KIF5A: variants seen among roughly 807,000 people sequenced by gnomAD.
The protein encoded by KIF5A is kinesin family member 5A, also known as kinesin heavy chain isoform 5A.
Under a neutral mutation model 141.3 loss-of-function variants are expected in KIF5A, and 35 were observed. The ratio of observed to expected loss-of-function variants is 0.25; its 90% CI spans 0.19 to 0.33. The LOEUF is 0.33. Among genes scored for constraint, KIF5A ranks in the 10% least tolerant of loss-of-function variants. The probability of loss-of-function intolerance (pLI) is 1.00; values close to 1 mark genes in which losing one functional copy is unlikely to be tolerated. For missense variants in KIF5A, 861 were observed against 1,314.3 expected (o/e 0.66, Z 5.33); for synonymous variants, 448 against 500.2 (o/e 0.90, Z 1.39).
intron 1 of KIF5A, among the ~76,000 whole-genome samples, chr12:57,552,354 G>A (rs1383450695): frequency 1.3e-5 from 2 of 152,154 alleles, no homozygotes; most frequent in Non-Finnish European, 2.9e-5. Context: ...AGGTGGGCAA[G>A]GAGGAAAGAT....
intron 8 of KIF5A, 21 bp from the exon 9 acceptor site, chr12:57,568,942 C>T: frequency 6.4e-7 from 1 of 1,572,182 alleles, no homozygotes; most frequent in Non-Finnish European, 8.8e-7. Flanking sequence ...CATACACACT[C>T]ATCTCTTACT....
intron 23 of KIF5A, among the ~76,000 whole-genome samples, chr12:57,578,698 C>G (rs1227697662): frequency 6.6e-6 from 1 of 152,112 alleles, no homozygotes; most frequent in East Asian, 1.9e-4. Flanking sequence ...TGAGAAGAAG[C>G]AAGGGAGTTG....
chr12:57,561,783 C>T (rs754545331), intron 1 of KIF5A, among the ~76,000 whole-genome samples: 5 of 152,138 alleles, frequency 3.3e-5, no homozygotes, highest in African/African-American at 7.2e-5. Context: ...CTCAAAGTAA[C>T]CACTGTTAAC....
rs112773369 is a variant in KIF5A, at chr12:57,585,470, G to C, written c.*1289G>C. On this transcript the variant is annotated 3_prime_UTR_variant, in exon 29 of 29. Coordinates refer to ENST00000455537, the MANE Select transcript of KIF5A (RefSeq NM_004984.4). ...AGCACCCTCCATACTGAAGAGGACT[G>C]TTGTTTTAGTTTCAGACGGTCCTTT... The C allele has an allele frequency of 7.2e-3, 1,116 of 154,534 alleles. 10 individuals carry two copies. Among genetic ancestry groups the C allele is most frequent in the Non-Finnish European group, 7.9e-3 (537 of 68,244 alleles). The allele number at this position is 154,534 out of a possible 1,614,324, so 9.6% of individuals were successfully genotyped here.
chr12:57,567,725 A>G (rs1882112307), intron 8 of KIF5A, 107 bp downstream of exon 8: 6 of 1,204,076 alleles, frequency 5.0e-6, no homozygotes, highest in Non-Finnish European at 6.8e-6. Flanking sequence ...CAGTGGCACG[A>G]TCTCTGTTCA....
intron 26 of KIF5A, among the ~76,000 whole-genome samples, chr12:57,582,177 A>G (rs1026880993): frequency 6.6e-6 from 1 of 152,144 alleles, no homozygotes; most frequent in African/African-American, 2.4e-5. Flanking sequence ...TCAGGAGCTT[A>G]AGGCTGAAGT....
In KIF5A at chr12:57,585,297, T is replaced by G. The variant is rs1461728861; in HGVS notation, c.*1116T>G. 1 of 154,340 alleles carries G rather than the reference T, an allele frequency of 6.5e-6. No individual in the cohort carries two copies. Among genetic ancestry groups the G allele is most frequent in the Non-Finnish European group, 1.5e-5 (1 of 68,222 alleles). The allele number at this position is 154,340 out of a possible 1,614,324, so 9.6% of individuals were successfully genotyped here. On this transcript the variant is annotated 3_prime_UTR_variant, in exon 29 of 29. Coordinates refer to ENST00000455537, the MANE Select transcript of KIF5A (RefSeq NM_004984.4). ...TGACTTTTCCCCAATGTACATTTTT[T>G]TTTTCTCCACAAAGAGTTCCTTCTC...
chr12:57,578,313 C>G lies in KIF5A; in HGVS notation c.2509C>G (p.Leu837Val). 3 of 1,613,858 alleles carry G rather than the reference C, an allele frequency of 1.9e-6. No individual in the cohort carries two copies. Among genetic ancestry groups the G allele is most frequent in the Non-Finnish European group, 2.5e-6 (3 of 1,179,738 alleles). The change falls in exon 23 of 29, where the codon CTG becomes GTG. Residue 837 changes from leucine (L) to valine (V), a missense_variant. By Grantham distance (32) the Leu-to-Val change is conservative. Around this residue, in one of 5 missense-constraint regions of KIF5A, gnomAD observed 482 missense variants for 661.3 expected, o/e 0.73. Transcript: ENST00000455537. ...GAAGATTTCCTTTCTTGAGAACAAC[C>G]TGGAACAGCTTACAAAGGTTCACAA... is the stretch of plus-strand genomic sequence containing the variant. ...KQKISFLENN[L>V]EQLTKVHKQL... is the part of the protein sequence containing the mutation.
chr12:57,575,003 A>T lies in KIF5A; in HGVS notation c.1717-81A>T, dbSNP rs1216419689. On this transcript the variant is annotated intron_variant, in intron 15 of 28. Coordinates refer to ENST00000455537, the MANE Select transcript of KIF5A (RefSeq NM_004984.4). ...TGAGTCCCTGCGTATGTGGGTGTGT[A>T]TGGGTAGGTAGAAGGTGGGAGGGAA... is the stretch of plus-strand genomic sequence containing the variant. 32 of 1,299,382 alleles carry T rather than the reference A, an allele frequency of 2.5e-5. No individual in the cohort carries two copies. The Admixed American group carries it at 2.6e-4, about 11-fold the overall frequency. 80.5% of individuals were successfully genotyped at this position (1,299,382 alleles called of 1,614,324 possible).
chr12:57,583,276 CTT>C, intron 28 of KIF5A, 61 bp downstream of exon 28: 1 of 938,036 alleles, frequency 1.1e-6, no homozygotes, highest in Non-Finnish European at 1.7e-6. Flanking sequence ...CTGACAGCCT[CTT>C]TGGTTTTCCT....
At chr12:57,570,406 T>C (rs1217320927) in intron 12 of KIF5A, among the ~76,000 whole-genome samples, 1 of 147,868 alleles carries the variant, frequency 6.8e-6, no homozygotes, top group Non-Finnish European at 1.5e-5. Flanking sequence ...GTATAAGTAA[T>C]TTTTTTTTTT....
chr12:57,559,493 C>T (rs1281932300), intron 1 of KIF5A, among the ~76,000 whole-genome samples: 1 of 152,064 alleles, frequency 6.6e-6, no homozygotes, highest in African/African-American at 2.4e-5. Flanking sequence ...TATATTTTAA[C>T]ATTTAGGAGC....
Position 57,572,197 on chromosome 12 carries a change from A to T in KIF5A, c.1499A>T (p.Gln500Leu). The change falls in exon 14 of 29, where the codon CAG (glutamine) becomes CTG (leucine). Residue 500 changes from glutamine (Q) to leucine (L), a missense_variant. This residue lies in a region of KIF5A where 7 missense variants were observed against 26.5 expected (regional missense o/e 0.26). Transcript: ENST00000455537. The surrounding 1 kb of genome is among the most constrained non-coding windows in gnomAD (Gnocchi z 4.2). ...ALEELAVNYD[Q>L]KSQEVEEKSQ... ...GAGGAGCTGGCTGTGAACTATGACC[A>T]GAAGTCCCAGGAGGTGGAGGAGAAG... 1.2e-6 allele frequency: 2 copies of T among 1,613,428 alleles called. No individual in the cohort carries two copies. The highest frequency in any genetic ancestry group is 8.5e-7 in the Non-Finnish European group (1 of 1,179,710).
At chr12:57,579,503 T>C (rs1019987864) in intron 23 of KIF5A, among the ~76,000 whole-genome samples, 11 of 148,168 alleles carry the variant, frequency 7.4e-5, no homozygotes, top group Non-Finnish European at 1.3e-4. Flanking sequence ...TATTCAGTAC[T>C]TTTTTTTTTC....
chr12:57,568,509 T>A (rs1471227673), intron 8 of KIF5A, among the ~76,000 whole-genome samples: 1 of 152,044 alleles, frequency 6.6e-6, no homozygotes, highest in Non-Finnish European at 1.5e-5. Flanking sequence ...GTGGATCACC[T>A]GAGGTCGGGA....
intron 23 of KIF5A, among the ~76,000 whole-genome samples, chr12:57,578,700 AGGGAGTT>A (rs1033837491): frequency 6.6e-6 from 1 of 152,160 alleles, no homozygotes; most frequent in African/African-American, 2.4e-5. Flanking sequence ...AGAAGAAGCA[AGGGAGTT>A]GGGCTTCTTT....
chr12:57,567,609 G>C lies in KIF5A; in HGVS notation c.705G>C (p.Gly235=). 1 of 1,612,592 alleles carries C rather than the reference G, an allele frequency of 6.2e-7. No individual in the cohort carries two copies. Among genetic ancestry groups the C allele is most frequent in the South Asian group, 1.1e-5 (1 of 90,974 alleles). ...SGKLYLVDLA[G]SEKVSKTGAE... ...AGCTGTATCTGGTGGACCTGGCAGG[G>C]AGTGAGAAGGTAGGGGGTCCTGTGG... is the stretch of plus-strand genomic sequence containing the variant. The change falls in exon 8 of 29, where the codon GGG becomes GGC. Residue 235 remains glycine, a synonymous_variant. Coordinates refer to ENST00000455537, the MANE Select transcript of KIF5A (RefSeq NM_004984.4).
chr12:57,580,334 G>A (rs564304568), intron 23 of KIF5A, among the ~76,000 whole-genome samples: 1 of 152,306 alleles, frequency 6.6e-6, no homozygotes, highest in East Asian at 1.9e-4. Context: ...GTCCTTGAAT[G>A]TGAAGGTAAT....
rs1881519284 is a variant in KIF5A at position 57,550,095 on chromosome 12, GGA to G, written c.-170_-169del. 1.3e-6 allele frequency: 1 copy of G among 777,610 alleles called. No homozygotes were observed. Among genetic ancestry groups the G allele is most frequent in the Non-Finnish European group, 2.1e-6 (1 of 472,616 alleles). 48.2% of individuals were successfully genotyped at this position (777,610 alleles called of 1,614,324 possible). ...AGGTCGCCCGCATCCCGCTGCCGCA[GGA>G]GAGAGACAGCGCGCCCCGGCCCTGC... On this transcript the variant is annotated 5_prime_UTR_variant, in exon 1 of 29. Transcript: ENST00000455537. This position sits in a 1 kb window ranked among gnomAD's most constrained non-coding sequence, Gnocchi z 4.6.
Sources: allele counts gnomAD v4.1 joint callset (sites outside exome capture counted in the v4.1 genomes callset), GRCh38; gene constraint gnomAD v4.1.1; regional missense constraint gnomAD v4.1.1; non-coding constraint Gnocchi (gnomAD v3.1); transcripts MANE v1.5; gene names NCBI Gene and HGNC (gene_info 2026-07-23, HGNC 2026-07-21).